Variants in OSBPL8 observed in about 807,000 individuals in gnomAD.
OSBPL8 encodes the protein oxysterol binding protein like 8.
OSBPL8 carries 59 observed loss-of-function variants against 125.5 expected under a neutral mutation model. That is an observed-to-expected ratio of 0.47 (90% CI 0.38 to 0.58). The LOEUF (loss-of-function observed/expected upper bound fraction) is 0.58, where lower values mean the gene tolerates loss of function less well. Among genes scored for constraint, OSBPL8 ranks in the 20% least tolerant of loss-of-function variants. The pLI is 0.00. For missense variants in OSBPL8, 758 were observed against 1,047.8 expected, an observed-to-expected ratio of 0.72 and a Z score of 3.82; for synonymous variants, 330 against 338.9, an observed-to-expected ratio of 0.97 and a Z score of 0.29.
At chr12:76,415,588 T>A (rs942303431) in intron 4 of OSBPL8, among the ~76,000 whole-genome samples, 5 of 152,196 alleles carry the variant, frequency 3.3e-5, no homozygotes, top group African/African-American at 7.2e-5. Context: ...TTAGGACTAT[T>A]CAGATATTCC....
Position 76,497,612 on chromosome 12 carries a change from T to C in OSBPL8, c.-67-9994A>G, listed in dbSNP as rs930487088. On this transcript the variant is annotated intron_variant, in intron 1 of 23. Coordinates refer to ENST00000261183, the MANE Select transcript of OSBPL8 (RefSeq NM_020841.5). ...AGTATGTTCCCTGTATGTTTTAATA[T>C]TAGCTTCTTCTGAATTCTTCTCTAC... 1.1e-4 allele frequency among the ~76,000 whole-genome samples: 16 copies of C among 152,364 alleles called. No individual in the cohort carries two copies. In the East Asian group the frequency reaches 3.1e-3, roughly 29 times the overall value.
intron 4 of OSBPL8, among the ~76,000 whole-genome samples, chr12:76,425,203 A>C (rs1000505533): frequency 6.6e-6 from 1 of 152,186 alleles, no homozygotes; most frequent in Non-Finnish European, 1.5e-5. Flanking sequence ...ATTAGAGTAA[A>C]ATAAAGATAT....
intron 4 of OSBPL8, among the ~76,000 whole-genome samples, chr12:76,449,445 T>G (rs1873115595): frequency 6.6e-6 from 1 of 152,256 alleles, no homozygotes; most frequent in South Asian, 2.1e-4. Flanking sequence ...CATAATACTT[T>G]TTCATTATGT....
At chr12:76,525,009 G>A (rs903460637) in intron 1 of OSBPL8, among the ~76,000 whole-genome samples, 10 of 152,102 alleles carry the variant, frequency 6.6e-5, no homozygotes, top group East Asian at 1.9e-4. Flanking sequence ...AATGACACAC[G>A]GTGATCAATT....
At chr12:76,479,290 C>T (rs147012532) in intron 2 of OSBPL8, among the ~76,000 whole-genome samples, 5 of 152,228 alleles carry the variant, frequency 3.3e-5, no homozygotes, top group African/African-American at 1.2e-4. Context: ...GCACTACACG[C>T]CTGTATCAAA....
chr12:76,357,504 G>A (rs889489233), intron 22 of OSBPL8, among the ~76,000 whole-genome samples: 6 of 152,202 alleles, frequency 3.9e-5, no homozygotes, highest in South Asian at 2.1e-4. Context: ...TTCTTTTCTC[G>A]TAAAATGGGA....
chr12:76,418,305 G>C lies in OSBPL8; in HGVS notation c.218-7671C>G, dbSNP rs147796658. On this transcript the variant is annotated intron_variant, in intron 4 of 23. Coordinates refer to ENST00000261183, the MANE Select transcript of OSBPL8 (RefSeq NM_020841.5). Reference sequence around the variant, plus strand: ...CAGGTGTGAGCCACTGTGCCAGGCCGATTTTCACTACTTTCTTAACAGCCT... The same window carrying C: ...CAGGTGTGAGCCACTGTGCCAGGCCCATTTTCACTACTTTCTTAACAGCCT... 2.5e-3 allele frequency among the ~76,000 whole-genome samples: 386 copies of C among 152,022 alleles called. 6 individuals carry two copies. Among genetic ancestry groups the C allele is most frequent in the African/African-American group, 8.3e-3 (345 of 41,514 alleles).
At chr12:76,513,744 G>GT (rs35639287) in intron 1 of OSBPL8, among the ~76,000 whole-genome samples, 2,212 of 105,288 alleles carry the variant, frequency 0.021, 47 homozygotes, top group East Asian at 0.08. Flanking sequence ...TAACCCCTGG[G>GT]TTTTTTTTTT....
chr12:76,375,615 C>T (rs1459045764), intron 16 of OSBPL8, among the ~76,000 whole-genome samples: 1 of 151,886 alleles, frequency 6.6e-6, no homozygotes, highest in East Asian at 1.9e-4. Context: ...ATATCAATAC[C>T]CACAGTACTT....
chr12:76,543,664 A>C (rs895167255), intron 1 of OSBPL8, among the ~76,000 whole-genome samples: 9 of 152,184 alleles, frequency 5.9e-5, no homozygotes, highest in Non-Finnish European at 1.2e-4. Context: ...ATAAGCCTGC[A>C]TCAAAGAGTG....
rs770779353 is a variant in OSBPL8 at position 76,389,690 on chromosome 12, A to G, written c.1307T>C (p.Leu436Pro). 6.2e-7 allele frequency: 1 copy of G among 1,602,712 alleles called. No individual in the cohort carries two copies. Among genetic ancestry groups the G allele is most frequent in the Non-Finnish European group, 8.5e-7 (1 of 1,173,944 alleles). ...PTFILEPRSF[L>P]DKLSDYYYHA... is the part of the protein sequence containing the mutation. The stretch of plus-strand genomic sequence containing the variant: ...ATAGTAGTAATCTGAAAGTTTATCC[A>G]GGAAAGAACGGGGTTCCAAAATAAA... The change falls in exon 12 of 24, where the codon CTG becomes CCG. Residue 436 changes from leucine (L) to proline (P), a missense_variant. By Grantham distance (98) the Leu-to-Pro change is moderately conservative. Coordinates refer to ENST00000261183, the MANE Select transcript of OSBPL8 (RefSeq NM_020841.5).
chr12:76,459,963 G>C (rs938189327), intron 2 of OSBPL8, 68 bp from the exon 3 acceptor site: 5 of 1,492,670 alleles, frequency 3.3e-6, no homozygotes, highest in Middle Eastern at 1.7e-4. Context: ...AAATGCATCA[G>C]GACGGAAACA....
intron 17 of OSBPL8, among the ~76,000 whole-genome samples, chr12:76,374,891 G>T (rs1398802867): frequency 2.0e-5 from 3 of 152,128 alleles, no homozygotes; most frequent in African/African-American, 7.2e-5. Flanking sequence ...ATACAACTGT[G>T]CCTTGGTTTA....
chr12:76,441,589 G>A (rs1872187590), intron 4 of OSBPL8, among the ~76,000 whole-genome samples: 1 of 151,928 alleles, frequency 6.6e-6, no homozygotes. Context: ...AAACATAGAA[G>A]GCTAAATCCC....
rs142873155 is a variant in OSBPL8, at chr12:76,491,252, T to C, written c.-67-3634A>G. Among the ~76,000 whole-genome samples the C allele has an allele frequency of 3.0e-3, 456 of 152,338 alleles. 2 individuals carry two copies. The highest frequency in any genetic ancestry group is 0.01 in the African/African-American group (436 of 41,576). ...AAAACAGCGGCAGGGTTCGAGAGGA[T>C]TGACTTTTTCACTAACAAAACCTAC... On this transcript the variant is annotated intron_variant, in intron 1 of 23. Transcript: ENST00000261183.
intron 12 of OSBPL8, among the ~76,000 whole-genome samples, chr12:76,387,949 A>T (rs1353806896): frequency 1.3e-5 from 2 of 152,214 alleles, no homozygotes; most frequent in Non-Finnish European, 1.5e-5. Flanking sequence ...GTAACTTTTT[A>T]AAAAAGCTTC....
At chr12:76,397,356 G>A (rs1178406301) in intron 8 of OSBPL8, among the ~76,000 whole-genome samples, 1 of 137,596 alleles carries the variant, frequency 7.3e-6, no homozygotes, top group Non-Finnish European at 1.6e-5. Context: ...GAGGGGGGGT[G>A]GGGGCAGGTG....
At chr12:76,537,775 G>T (rs1950539036) in intron 1 of OSBPL8, among the ~76,000 whole-genome samples, 1 of 152,090 alleles carries the variant, frequency 6.6e-6, no homozygotes, top group South Asian at 2.1e-4. Flanking sequence ...TGGGCATGGT[G>T]GTGGGTGCCT....
intron 2 of OSBPL8, among the ~76,000 whole-genome samples, chr12:76,469,039 C>A (rs1173930080): frequency 6.6e-6 from 1 of 152,180 alleles, no homozygotes; most frequent in Non-Finnish European, 1.5e-5. Context: ...ACTGACCACA[C>A]CTCTAGCATT....
Sources: gnomAD v4.1 joint callset for allele counts (sites outside exome capture counted in the v4.1 genomes callset) on GRCh38, gnomAD v4.1.1 for gene constraint, MANE v1.5 for transcripts, NCBI Gene and HGNC (gene_info 2026-07-23, HGNC 2026-07-21) for gene names.